Variants in MTDH observed in about 807,000 individuals in gnomAD.
MTDH encodes the protein metadherin.
MTDH carries 34 observed loss-of-function variants against 72.7 expected under a neutral mutation model. The ratio of observed to expected loss-of-function variants is 0.47; its 90% CI spans 0.36 to 0.62. The LOEUF (loss-of-function observed/expected upper bound fraction) is 0.62, where lower values mean the gene tolerates loss of function less well. MTDH is among the 20% of genes least tolerant of loss of function. The probability of loss-of-function intolerance (pLI) is 0.00; values close to 1 mark genes in which losing one functional copy is unlikely to be tolerated. For synonymous variants in MTDH, 266 were observed against 268.9 expected (o/e 0.99, Z 0.10); for missense variants, 677 against 699.4 (o/e 0.97, Z 0.36).
chr8:97,698,324 G>A (rs572518162), intron 6 of MTDH, among the ~76,000 whole-genome samples: 1 of 152,250 alleles, frequency 6.6e-6, no homozygotes, highest in African/African-American at 2.4e-5. Flanking sequence ...ACGCCTGATG[G>A]AAAACCACTG....
At chr8:97,663,444 T>G (rs1034292069) in intron 2 of MTDH, among the ~76,000 whole-genome samples, 37 of 152,148 alleles carry the variant, frequency 2.4e-4, no homozygotes, top group African/African-American at 8.0e-4. Context: ...TTACTAGATA[T>G]ACTTTTAAGA....
intron 8 of MTDH, among the ~76,000 whole-genome samples, chr8:97,710,046 A>G (rs972240943): frequency 2.6e-5 from 4 of 152,190 alleles, no homozygotes; most frequent in Admixed American, 2.6e-4. Context: ...ATCTATTCAT[A>G]TGGCATTTTA....
At position 97,675,420 on chromosome 8, in the gene MTDH, G is replaced by T. The variant is rs1387918831; in HGVS notation, c.484-11248G>T. Among the ~76,000 whole-genome samples the T allele has an allele frequency of 5.3e-5, 8 of 152,020 alleles. No homozygotes were observed. The East Asian group carries it at 1.5e-3, about 29-fold the overall frequency. ...TACTAAAAATACAAACATTAGTTGG[G>T]TGTGGTGCCATGCACCTGTAGTCCC... On this transcript the variant is annotated intron_variant, in intron 2 of 11. Coordinates refer to ENST00000336273, the MANE Select transcript of MTDH (RefSeq NM_178812.4).
rs1212744493 is a variant in MTDH at position 97,687,584 on chromosome 8, G to C, written c.724G>C (p.Val242Leu). The change falls in exon 4 of 12, where the codon GTT becomes CTT. Residue 242 changes from valine to leucine, a missense_variant. Val to Leu is a conservative substitution (Grantham distance 32). Coordinates refer to ENST00000336273, the MANE Select transcript of MTDH (RefSeq NM_178812.4). ...GCAACTTACAACCGCATCATTTCCT[G>C]TTGGTTCCAAGAAGAATAAAGGTAT... ...TEQLTTASFP[V>L]GSKKNKGDSH... is the part of the protein sequence containing the mutation. 1 of 1,608,196 alleles carries C rather than the reference G, an allele frequency of 6.2e-7. No homozygotes were observed. The highest frequency in any genetic ancestry group is 2.2e-5 in the East Asian group (1 of 44,668).
chr8:97,697,150 A>ATATTTT lies in MTDH; in HGVS notation c.1049-2603_1049-2602insATTTTT. On this transcript the variant is annotated intron_variant, in intron 6 of 11. Transcript: ENST00000336273. Reference sequence around the variant, plus strand: ...AAAAAATATATATATATATATATATATTTTTTTTTTGTGGACCCAGTTTAC... The same window carrying ATATTTT: ...AAAAAATATATATATATATATATATATATTTTTTTTTTTTTTGTGGACCCAGTTTAC... 7.9e-4 allele frequency among the ~76,000 whole-genome samples: 54 copies of ATATTTT among 68,770 alleles called. 1 individual carries two copies. The highest frequency in any genetic ancestry group is 4.1e-3 in the African/African-American group (45 of 10,952). The allele number at this position is 68,770 out of a possible 152,430, so 45.1% of individuals were successfully genotyped here. A position where few individuals can be genotyped will look rare whatever the true frequency, so the allele number is the denominator to read the frequency against.
At chr8:97,723,612 A>T (rs7838171) in intron 11 of MTDH, among the ~76,000 whole-genome samples, 2 of 137,916 alleles carry the variant, frequency 1.5e-5, no homozygotes, top group East Asian at 2.4e-4. Context: ...GCGTGGTGGC[A>T]GGCACCTGTA....
intron 1 of MTDH, among the ~76,000 whole-genome samples, chr8:97,650,784 C>T (rs1811742171): frequency 6.6e-6 from 1 of 152,054 alleles, no homozygotes; most frequent in South Asian, 2.1e-4. Context: ...CGCTGGAGTG[C>T]AGTGGTGTGA....
At chr8:97,720,256 G>T (rs989934050) in intron 10 of MTDH, among the ~76,000 whole-genome samples, 2 of 152,090 alleles carry the variant, frequency 1.3e-5, no homozygotes, top group Admixed American at 6.6e-5. Flanking sequence ...CTGCACTCCA[G>T]CCTGGGCAAC....
chr8:97,699,296 A>G (rs1814002638), intron 6 of MTDH, among the ~76,000 whole-genome samples: 2 of 152,080 alleles, frequency 1.3e-5, no homozygotes. Context: ...TCGAAAAAAG[A>G]AAAAAAGCCC....
chr8:97,689,186 C>A, intron 5 of MTDH, 83 bp downstream of exon 5: 1 of 686,462 alleles, frequency 1.5e-6, no homozygotes, highest in Non-Finnish European at 2.5e-6. Context: ...AAATGAATGA[C>A]ACAGAAGGAA....
At chr8:97,696,612 G>T (rs1813842049) in intron 6 of MTDH, among the ~76,000 whole-genome samples, 1 of 152,060 alleles carries the variant, frequency 6.6e-6, no homozygotes, top group Admixed American at 6.6e-5. Context: ...CATACTTTTA[G>T]TTACAATTTG....
chr8:97,680,449 A>G (rs1813025196), intron 2 of MTDH, among the ~76,000 whole-genome samples: 1 of 152,170 alleles, frequency 6.6e-6, no homozygotes, highest in South Asian at 2.1e-4. Flanking sequence ...ATGAATATGT[A>G]TTCATTGTCA....
chr8:97,714,250 TTTTC>T (rs1261280024), intron 9 of MTDH, among the ~76,000 whole-genome samples: 2 of 152,182 alleles, frequency 1.3e-5, no homozygotes, highest in African/African-American at 2.4e-5. Flanking sequence ...ATACATTTCC[TTTTC>T]TTTCTTTTTC....
intron 1 of MTDH, among the ~76,000 whole-genome samples, chr8:97,650,723 A>T (rs552970277): frequency 6.0e-4 from 91 of 151,940 alleles, no homozygotes; most frequent in African/African-American, 2.1e-3. Context: ...ATTGCCTTTT[A>T]AAAATTTATT....
chr8:97,718,531 T>C (rs1322526018), intron 9 of MTDH, among the ~76,000 whole-genome samples: 2 of 151,758 alleles, frequency 1.3e-5, no homozygotes, highest in Non-Finnish European at 2.9e-5. Flanking sequence ...TTTTTGTTTT[T>C]TTTTTGTGAG....
At chr8:97,721,280 A>G (rs1027276865) in intron 10 of MTDH, among the ~76,000 whole-genome samples, 6 of 152,068 alleles carry the variant, frequency 3.9e-5, no homozygotes, top group Admixed American at 1.3e-4. Context: ...CGTCTCTACC[A>G]AAAATACAAA....
rs1470901074 is a variant in MTDH, at chr8:97,644,584, G to C, written c.78G>C (p.Ser26=). The C allele has an allele frequency of 6.2e-7, 1 of 1,608,092 alleles. No individual in the cohort carries two copies. The highest frequency in any genetic ancestry group is 8.5e-7 in the Non-Finnish European group (1 of 1,179,138). Residue 26 remains serine (S), a synonymous_variant, in exon 1 of 12, where the codon TCG becomes TCC. Transcript: ENST00000336273. ...CGGCCCGGCTGCGGGAAATGCTCTCGGTCGGCCTAGGCTTTCTGCGCACCG... is the reference window on the plus strand; with the variant it reads ...CGGCCCGGCTGCGGGAAATGCTCTCCGTCGGCCTAGGCTTTCTGCGCACCG... ...EGSARLREML[S]VGLGFLRTEL...
In MTDH at chr8:97,650,028, T is replaced by G. The variant is rs1028742621; in HGVS notation, c.381+5141T>G. On this transcript the variant is annotated intron_variant, in intron 1 of 11. Coordinates refer to ENST00000336273, the MANE Select transcript of MTDH (RefSeq NM_178812.4). ...TGGAGTGCAGTGGTGCGATCTCAGC[T>G]CACTGCAAACTCCACCTCCCGGGTT... 2.0e-5 allele frequency among the ~76,000 whole-genome samples: 3 copies of G among 152,318 alleles called. No homozygotes were observed. In the South Asian group the frequency reaches 6.2e-4, roughly 32 times the overall value.
chr8:97,677,180 CAAAAAA>C lies in MTDH; in HGVS notation c.484-9462_484-9457del, dbSNP rs71271142. On this transcript the variant is annotated intron_variant, in intron 2 of 11. Coordinates refer to ENST00000336273, the MANE Select transcript of MTDH (RefSeq NM_178812.4). Reference sequence around the variant, plus strand: ...CCTGGGCAACAGTAAAAGCCTGTCTCAAAAAAAAAAAAAAAAAAAAAAAAAAAAAAA... The same window carrying C: ...CCTGGGCAACAGTAAAAGCCTGTCTCAAAAAAAAAAAAAAAAAAAAAAAAA... 1.2e-3 allele frequency among the ~76,000 whole-genome samples: 54 copies of C among 44,102 alleles called. No homozygotes were observed. The South Asian group carries it at 0.04, about 32-fold the overall frequency. The allele number at this position is 44,102 out of a possible 152,430, so 28.9% of individuals were successfully genotyped here. A position where few individuals can be genotyped will look rare whatever the true frequency, so the allele number is the denominator to read the frequency against.
Sources: allele counts gnomAD v4.1 joint callset (sites outside exome capture counted in the v4.1 genomes callset), GRCh38; gene constraint gnomAD v4.1.1; transcripts MANE v1.5; gene names NCBI Gene and HGNC (gene_info 2026-07-23, HGNC 2026-07-21).